The following LIN52 variants were observed in gnomAD, a reference collection of about 807,000 sequenced individuals.
The protein encoded by LIN52 is protein lin-52 homolog.
A neutral mutation model predicts 18.5 loss-of-function variants in LIN52; 4 were observed. The observed-to-expected ratio is 0.22, with a 90% CI of 0.11 to 0.49. The LOEUF (loss-of-function observed/expected upper bound fraction) is 0.49, where lower values mean the gene tolerates loss of function less well. LIN52 is among the 20% of genes least tolerant of loss of function. The probability of loss-of-function intolerance (pLI) is 0.97; values close to 1 mark genes in which losing one functional copy is unlikely to be tolerated. For missense variants in LIN52, 102 were observed against 139.5 expected, an observed-to-expected ratio of 0.73 and a Z score of 1.35; for synonymous variants, 34 against 45.5, an observed-to-expected ratio of 0.75 and a Z score of 1.02.
At chr14:74,129,781 G>A (rs1282353634) in intron 5 of LIN52, among the ~76,000 whole-genome samples, 1 of 152,186 alleles carries the variant, frequency 6.6e-6, no homozygotes, top group East Asian at 1.9e-4. Context: ...CCAGGAATTC[G>A]AGGCTGCAGT....
chr14:74,094,437 T>A (rs142265296), intron 2 of LIN52, among the ~76,000 whole-genome samples: 6 of 152,076 alleles, frequency 3.9e-5, no homozygotes, highest in Non-Finnish European at 7.4e-5. Flanking sequence ...TTAAAAAATT[T>A]TGGGGGGGAC....
At chr14:74,188,674 G>A (rs2061350483) in intron 5 of LIN52, among the ~76,000 whole-genome samples, 1 of 152,002 alleles carries the variant, frequency 6.6e-6, no homozygotes, top group Non-Finnish European at 1.5e-5. Flanking sequence ...CCTTTGACGG[G>A]AAAGATTTGG....
chr14:74,135,264 C>CA (rs2061091141), intron 5 of LIN52, among the ~76,000 whole-genome samples: 1 of 152,104 alleles, frequency 6.6e-6, no homozygotes, highest in African/African-American at 2.4e-5. Flanking sequence ...GGGGTTTCAC[C>CA]ATGTTGGCCA....
chr14:74,159,119 T>C (rs1268256184), intron 5 of LIN52, among the ~76,000 whole-genome samples: 2 of 152,116 alleles, frequency 1.3e-5, no homozygotes, highest in African/African-American at 4.8e-5. Context: ...GTTTTAAATC[T>C]AATTTAACAT....
rs531828955 is a variant in LIN52 at position 74,151,798 on chromosome 14, A to C, written c.284-47124A>C. On this transcript the variant is annotated intron_variant, in intron 5 of 5. Coordinates refer to ENST00000555028, the MANE Select transcript of LIN52 (RefSeq NM_001024674.3). ...AATCAGTTGGAGTCAGAAGAACTAC[A>C]TGCAAGTCCTGACTTTGCTCCTTAT... 3.9e-5 allele frequency among the ~76,000 whole-genome samples: 6 copies of C among 152,344 alleles called. No homozygotes were observed. In the East Asian group the frequency reaches 9.6e-4, roughly 24 times the overall value.
chr14:74,097,176 C>G (rs1378266030), intron 3 of LIN52, among the ~76,000 whole-genome samples: 1 of 152,148 alleles, frequency 6.6e-6, no homozygotes, highest in African/African-American at 2.4e-5. Flanking sequence ...AGGCTTTCAC[C>G]AGAACTGAAT....
At chr14:74,164,105 C>T (rs566774786) in intron 5 of LIN52, among the ~76,000 whole-genome samples, 176 of 152,078 alleles carry the variant, frequency 1.2e-3, no homozygotes, top group African/African-American at 3.9e-3. Context: ...CCTCAGCCTC[C>T]GGAGTAGCTG....
intron 2 of LIN52, among the ~76,000 whole-genome samples, chr14:74,091,586 TG>T (rs1383964640): frequency 6.6e-6 from 1 of 151,674 alleles, no homozygotes; most frequent in African/African-American, 2.4e-5. Context: ...GTGGCCAACA[TG>T]GTGAAACCCT....
rs80150061 is a variant in LIN52, at chr14:74,146,025, T to C, written c.283+44787T>C. ...ACTCCCTCATAGAGCTCTGTGAGGATATCTAGGTATTTGCAGGTTTCACCA... is the reference window on the plus strand; with the variant it reads ...ACTCCCTCATAGAGCTCTGTGAGGACATCTAGGTATTTGCAGGTTTCACCA... On this transcript the variant is annotated intron_variant, in intron 5 of 5. Transcript: ENST00000555028. Among the ~76,000 whole-genome samples, 883 of 152,292 alleles carry C rather than the reference T, an allele frequency of 5.8e-3. 8 individuals are homozygous for C. The highest frequency in any genetic ancestry group is 0.013 in the African/African-American group (540 of 41,558).
chr14:74,155,451 TC>T (rs1264196533), intron 5 of LIN52, among the ~76,000 whole-genome samples: 1 of 152,220 alleles, frequency 6.6e-6, no homozygotes, highest in Non-Finnish European at 1.5e-5. Flanking sequence ...CTTAAATATC[TC>T]TGTGAAGTAT....
At chr14:74,166,474 A>G (rs1156508874) in intron 5 of LIN52, among the ~76,000 whole-genome samples, 1 of 152,148 alleles carries the variant, frequency 6.6e-6, no homozygotes. Context: ...TTGCCTCCCA[A>G]AGTGCTGGGA....
At chr14:74,089,227 G>T (rs1307797175) in intron 1 of LIN52, among the ~76,000 whole-genome samples, 1 of 152,140 alleles carries the variant, frequency 6.6e-6, no homozygotes, top group Non-Finnish European at 1.5e-5. Flanking sequence ...GGTTATGGAA[G>T]GGTGAAGGAA....
intron 5 of LIN52, among the ~76,000 whole-genome samples, chr14:74,163,700 G>A (rs2061235982): frequency 6.6e-6 from 1 of 152,132 alleles, no homozygotes; most frequent in Non-Finnish European, 1.5e-5. Context: ...ATTTTGGAAG[G>A]TGGAAAGTAT....
chr14:74,176,668 A>G (rs535048716), intron 5 of LIN52, among the ~76,000 whole-genome samples: 1 of 152,156 alleles, frequency 6.6e-6, no homozygotes, highest in Non-Finnish European at 1.5e-5. Flanking sequence ...AGGAATTTTT[A>G]AGTTCCATTA....
chr14:74,193,934 G>A (rs567320438), intron 5 of LIN52, among the ~76,000 whole-genome samples: 3 of 152,298 alleles, frequency 2.0e-5, no homozygotes, highest in African/African-American at 7.2e-5. Flanking sequence ...TAATTATGTT[G>A]AGGCATAGAA....
At position 74,170,827 on chromosome 14, in the gene LIN52, G is replaced by A. The variant is rs1480961993; in HGVS notation, c.284-28095G>A. On this transcript the variant is annotated intron_variant, in intron 5 of 5. Transcript: ENST00000555028. Reference sequence around the variant, plus strand: ...CAATATCAAGCAGTTTAACATACCTGTAACTAGAGTTCCAGAAGGAAAGGA... The same window carrying A: ...CAATATCAAGCAGTTTAACATACCTATAACTAGAGTTCCAGAAGGAAAGGA... 9.9e-5 allele frequency among the ~76,000 whole-genome samples: 15 copies of A among 150,892 alleles called. No individual in the cohort carries two copies. In the East Asian group the frequency reaches 2.0e-3, roughly 20 times the overall value.
chr14:74,184,435 T>G (rs1182717989), intron 5 of LIN52, among the ~76,000 whole-genome samples: 9 of 152,246 alleles, frequency 5.9e-5, no homozygotes, highest in Admixed American at 3.3e-4. Context: ...TCCCGCCAAA[T>G]TTCCTGTAAG....
chr14:74,183,325 T>C (rs1252069315), intron 5 of LIN52, among the ~76,000 whole-genome samples: 2 of 152,076 alleles, frequency 1.3e-5, no homozygotes, highest in African/African-American at 4.8e-5. Flanking sequence ...GGTCTCGATC[T>C]CCTGACCTCG....
chr14:74,196,871 T>C (rs1234033085), intron 5 of LIN52, among the ~76,000 whole-genome samples: 1 of 152,162 alleles, frequency 6.6e-6, no homozygotes, highest in Non-Finnish European at 1.5e-5. Flanking sequence ...AGACTGAGGC[T>C]CAGAGATCTG....
Sources: allele counts gnomAD v4.1 joint callset (sites outside exome capture counted in the v4.1 genomes callset), GRCh38; gene constraint gnomAD v4.1.1; transcripts MANE v1.5; gene names NCBI Gene and HGNC (gene_info 2026-07-23, HGNC 2026-07-21).